STON1: variants seen among roughly 807,000 people sequenced by gnomAD.
STON1 encodes stonin 1.
Under a neutral mutation model 60.9 loss-of-function variants are expected in STON1, and 79 were observed. The observed-to-expected ratio is 1.30, with a 90% CI of 1.08 to 1.56. The LOEUF (loss-of-function observed/expected upper bound fraction) is 1.56. Ranked by LOEUF, STON1 falls within the 40% of genes most tolerant of loss-of-function variation. The pLI is 0.00. For missense variants in STON1, 1,166 were observed against 858.9 expected (o/e 1.36, Z -4.47); for synonymous variants, 363 against 306.9 (o/e 1.18, Z -1.91).
intron 3 of STON1, 136 bp from the exon 4 acceptor site, chr2:48,595,092 G>T: frequency 1.4e-6 from 1 of 698,388 alleles, no homozygotes. Flanking sequence ...GCTACTGTAG[G>T]AGGGTAGAGG....
intron 1 of STON1, among the ~76,000 whole-genome samples, chr2:48,541,807 G>A (rs1671666644): frequency 1.3e-5 from 2 of 151,880 alleles, no homozygotes; most frequent in Admixed American, 6.6e-5. Context: ...AAGAGAATGC[G>A]GGAGAGAAGA....
At chr2:48,532,052 GCACAACA>G (rs1671232348) in intron 1 of STON1, 1 of 106,334 alleles carries the variant, frequency 9.4e-6, no homozygotes, top group Non-Finnish European at 2.3e-5. Context: ...TTAAGGCAGG[GCACAACA>G]TCATTAAGGC....
chr2:48,546,776 G>C (rs768871154), intron 1 of STON1, among the ~76,000 whole-genome samples: 10 of 152,178 alleles, frequency 6.6e-5, no homozygotes, highest in Non-Finnish European at 1.2e-4. Context: ...ATGTTGCCCA[G>C]TCTGGTCTCA....
At chr2:48,551,467 G>C (rs375925824) in intron 1 of STON1, among the ~76,000 whole-genome samples, 1 of 151,890 alleles carries the variant, frequency 6.6e-6, no homozygotes, top group Non-Finnish European at 1.5e-5. Flanking sequence ...GCCTTGTCTT[G>C]TTGGCTCAGC....
Position 48,581,173 on chromosome 2 carries a change from T to C in STON1, c.540T>C (p.Cys180=). Residue 180 remains cysteine, a synonymous_variant, in exon 2 of 4, where the codon TGT becomes TGC. Transcript: ENST00000404752. ...LPQFQYFRED[C]AFSSPFWKDE... The stretch of plus-strand genomic sequence containing the variant: ...AGTTTCAGTATTTTCGAGAGGACTG[T>C]GCTTTTTCAAGTCCATTTTGGAAAG... The C allele has an allele frequency of 1.9e-6, 3 of 1,541,722 alleles. No homozygotes were observed. The highest frequency in any genetic ancestry group is 2.6e-6 in the Non-Finnish European group (3 of 1,151,366).
In STON1 at chr2:48,537,868, A is replaced by G. The variant is rs1325830189; in HGVS notation, c.-48+7652A>G. 5.9e-5 allele frequency among the ~76,000 whole-genome samples: 9 copies of G among 151,844 alleles called. No homozygotes were observed. In the South Asian group the frequency reaches 1.7e-3, roughly 28 times the overall value. On this transcript the variant is annotated intron_variant, in intron 1 of 3. Transcript: ENST00000404752. Reference sequence around the variant, plus strand: ...TCATCTCAAAAAAAAAAAAAGAAAAAAAAAGGAAAAAAAAAGGAAATTGTT... The same window carrying G: ...TCATCTCAAAAAAAAAAAAAGAAAAGAAAAGGAAAAAAAAAGGAAATTGTT...
intron 2 of STON1, among the ~76,000 whole-genome samples, chr2:48,590,506 A>G (rs999136757): frequency 6.6e-6 from 1 of 152,134 alleles, no homozygotes; most frequent in Non-Finnish European, 1.5e-5. Flanking sequence ...ATTACTCTTT[A>G]TCTCATACAT....
intron 1 of STON1, among the ~76,000 whole-genome samples, chr2:48,550,418 A>G (rs1672049459): frequency 6.6e-6 from 1 of 150,720 alleles, no homozygotes; most frequent in Admixed American, 6.6e-5. Flanking sequence ...AATTGCTTGA[A>G]CCTAGGAGGC....
intron 1 of STON1, among the ~76,000 whole-genome samples, chr2:48,546,727 A>G (rs1671878865): frequency 6.6e-6 from 1 of 152,218 alleles, no homozygotes; most frequent in African/African-American, 2.4e-5. Context: ...GAATGAATGC[A>G]TGGAAGAATT....
chr2:48,549,810 C>CA (rs59908100), intron 1 of STON1, among the ~76,000 whole-genome samples: 3,514 of 77,678 alleles, frequency 0.045, 87 homozygotes, highest in Non-Finnish European at 0.051. Context: ...GACTCCATCT[C>CA]AAAAAAAAAA....
Position 48,581,841 on chromosome 2 carries a change from T to C in STON1, c.1208T>C (p.Val403Ala). The C allele has an allele frequency of 6.2e-7, 1 of 1,614,164 alleles. No homozygotes were observed. The highest frequency in any genetic ancestry group is 8.5e-7 in the Non-Finnish European group (1 of 1,180,038). The change falls in exon 2 of 4, where the codon GTT becomes GCT. Residue 403 changes from valine (V) to alanine (A), a missense_variant. Val to Ala is a moderately conservative substitution (Grantham distance 64, BLOSUM62 0). Coordinates refer to ENST00000404752, the MANE Select transcript of STON1 (RefSeq NM_006873.4). ...GAGGAGCTGATGAAGTTGCCAGCTG[T>C]TTCAAAACCAAAAAAGAACTACGAG... ...VEEELMKLPA[V>A]SKPKKNYEEQ...
chr2:48,577,625 T>A (rs1229476666), intron 1 of STON1, among the ~76,000 whole-genome samples: 1 of 151,976 alleles, frequency 6.6e-6, no homozygotes, highest in East Asian at 1.9e-4. Context: ...GTTTGTTTGT[T>A]TTTTGTAGGG....
At chr2:48,559,816 G>C (rs1169309307) in intron 1 of STON1, among the ~76,000 whole-genome samples, 1 of 152,152 alleles carries the variant, frequency 6.6e-6, no homozygotes, top group Non-Finnish European at 1.5e-5. Flanking sequence ...TTTGCTGAAT[G>C]AATAAGCAGG....
intron 1 of STON1, among the ~76,000 whole-genome samples, chr2:48,576,793 C>T (rs62135233): frequency 0.33 from 49,381 of 151,498 alleles, 8,162 homozygotes; most frequent in East Asian, 0.43. Context: ...CGGTGGCTCA[C>T]GCCTGTAATC....
At chr2:48,543,226 C>T (rs1671730253) in intron 1 of STON1, among the ~76,000 whole-genome samples, 2 of 152,138 alleles carry the variant, frequency 1.3e-5, no homozygotes, top group Admixed American at 1.3e-4. Context: ...CCGCCTGCCT[C>T]GGCCTCCCAA....
chr2:48,581,649 G>T lies in STON1; in HGVS notation c.1016G>T (p.Ser339Ile). 3 of 1,614,014 alleles carry T rather than the reference G, an allele frequency of 1.9e-6. No individual in the cohort carries two copies. The highest frequency in any genetic ancestry group is 4.5e-5 in the East Asian group (2 of 44,890). The change falls in exon 2 of 4, where the codon AGT (serine) becomes ATT (isoleucine). Residue 339 changes from serine to isoleucine, a missense_variant. Ser to Ile is a moderately radical substitution (Grantham distance 142, BLOSUM62 -2). Transcript: ENST00000404752. ...TCTGAACCCAAGGTTGAGAACTTCA[G>T]TGTAGCAGGAAAAATCCACACTGTG... ...RLSEPKVENF[S>I]VAGKIHTVKI...
At chr2:48,588,496 C>T (rs1399198258) in intron 2 of STON1, among the ~76,000 whole-genome samples, 2 of 152,036 alleles carry the variant, frequency 1.3e-5, no homozygotes, top group Non-Finnish European at 2.9e-5. Flanking sequence ...GACCACAGCA[C>T]GTGCCATCAC....
At chr2:48,564,480 T>TTC (rs1558604783) in intron 1 of STON1, among the ~76,000 whole-genome samples, 378 of 32,420 alleles carry the variant, frequency 0.012, 39 homozygotes, top group African/African-American at 0.014. Flanking sequence ...CTTCTTCTTC[T>TTC]TTCTTCTTCT....
intron 1 of STON1, among the ~76,000 whole-genome samples, chr2:48,532,346 CTAAATAAATAAATAAATAAATAAA>C (rs10564346): frequency 7.4e-6 from 1 of 134,494 alleles, no homozygotes; most frequent in Non-Finnish European, 1.6e-5. Context: ...AAGACTCTGT[CTAAATAAATAAATAAATAAATAAA>C]TAAATAAATA....
Sources: gnomAD v4.1 joint callset for allele counts (sites outside exome capture counted in the v4.1 genomes callset) on GRCh38, gnomAD v4.1.1 for gene constraint, MANE v1.5 for transcripts, NCBI Gene and HGNC (gene_info 2026-07-23, HGNC 2026-07-21) for gene names.